Variants in LUZP2 observed in about 807,000 individuals in gnomAD.
LUZP2 encodes the protein leucine zipper protein 2.
In LUZP2, 52 loss-of-function variants were observed where a neutral mutation model predicts 51.6. The ratio of observed to expected loss-of-function variants is 1.01; its 90% CI spans 0.81 to 1.27. The LOEUF (loss-of-function observed/expected upper bound fraction) is 1.27, where lower values mean the gene tolerates loss of function less well. LUZP2 is among the 50% of genes most tolerant of loss of function. The pLI, the probability that LUZP2 is intolerant of heterozygous loss-of-function variation, is 0.00. For missense variants in LUZP2, 436 were observed against 395.4 expected (o/e 1.10, Z -0.87); for synonymous variants, 154 against 137.3 (o/e 1.12, Z -0.85).
Position 24,787,650 on chromosome 11 carries a change from A to G in LUZP2, c.396+24342A>G, listed in dbSNP as rs992969364. On this transcript the variant is annotated intron_variant, in intron 5 of 11. Coordinates refer to ENST00000336930, the MANE Select transcript of LUZP2 (RefSeq NM_001009909.4). Reference sequence around the variant, plus strand: ...TTTCATGATTCTACCTCCAACACTCACCTCTATTTATTTTCTATGCAAGAT... The same window carrying G: ...TTTCATGATTCTACCTCCAACACTCGCCTCTATTTATTTTCTATGCAAGAT... Among the ~76,000 whole-genome samples, 5 of 151,840 alleles carry G rather than the reference A, an allele frequency of 3.3e-5. No individual in the cohort carries two copies. In the East Asian group the frequency reaches 9.7e-4, roughly 29 times the overall value.
rs1225268134 is a variant in LUZP2 at position 25,082,475 on chromosome 11, C to T, written c.*3817C>T. Reference sequence around the variant, plus strand: ...CCAGACCTAGACAATGAAGAAAACACATACTGTTTACTTAGGAGACATTTT... The same window carrying T: ...CCAGACCTAGACAATGAAGAAAACATATACTGTTTACTTAGGAGACATTTT... On this transcript the variant is annotated 3_prime_UTR_variant, in exon 12 of 12. Coordinates refer to ENST00000336930, the MANE Select transcript of LUZP2 (RefSeq NM_001009909.4). 1 of 152,472 alleles carries T rather than the reference C, an allele frequency of 6.6e-6. No individual in the cohort carries two copies. The highest frequency in any genetic ancestry group is 6.6e-5 in the Admixed American group (1 of 15,262). The allele number at this position is 152,472 out of a possible 1,614,324, so 9.4% of individuals were successfully genotyped here.
chr11:25,051,170 A>C lies in LUZP2; in HGVS notation c.858+1040A>C, dbSNP rs564480672. On this transcript the variant is annotated intron_variant, in intron 10 of 11. Transcript: ENST00000336930. ...TTCTCTTTTTTCTCTTCTGGCTGCC[A>C]AAGTGGATTTAGAAAAATGAATTAC... is the stretch of plus-strand genomic sequence containing the variant. Among the ~76,000 whole-genome samples, 7 of 152,316 alleles carry C rather than the reference A, an allele frequency of 4.6e-5. 1 individual carries two copies. In the South Asian group the frequency reaches 1.4e-3, roughly 32 times the overall value.
chr11:24,847,492 A>C (rs950709670), intron 5 of LUZP2, among the ~76,000 whole-genome samples: 1 of 152,168 alleles, frequency 6.6e-6, no homozygotes, highest in Non-Finnish European at 1.5e-5. Flanking sequence ...TAGGGCAGAA[A>C]AACACAGAAA....
At chr11:24,919,848 C>A (rs912170991) in intron 7 of LUZP2, among the ~76,000 whole-genome samples, 2 of 150,926 alleles carry the variant, frequency 1.3e-5, no homozygotes, top group Non-Finnish European at 3.0e-5. Context: ...GTTTACTCTC[C>A]CATCAGTACA....
At chr11:24,753,156 A>T (rs995036010) in intron 4 of LUZP2, among the ~76,000 whole-genome samples, 1 of 152,192 alleles carries the variant, frequency 6.6e-6, no homozygotes, top group African/African-American at 2.4e-5. Flanking sequence ...TATGTCATAG[A>T]ACATGAACAT....
intron 7 of LUZP2, among the ~76,000 whole-genome samples, chr11:24,925,708 T>G (rs1854205795): frequency 6.6e-6 from 1 of 151,986 alleles, no homozygotes; most frequent in South Asian, 2.1e-4. Context: ...GTATCGAAAT[T>G]TATTTTTAAA....
At chr11:24,959,924 C>A (rs1456999368) in intron 7 of LUZP2, among the ~76,000 whole-genome samples, 1 of 152,140 alleles carries the variant, frequency 6.6e-6, no homozygotes, top group African/African-American at 2.4e-5. Context: ...AGATACGTCC[C>A]ATCAATACCT....
intron 5 of LUZP2, among the ~76,000 whole-genome samples, chr11:24,801,527 T>C (rs2134116642): frequency 6.6e-6 from 1 of 152,096 alleles, no homozygotes; most frequent in East Asian, 1.9e-4. Context: ...ATTTTATAAA[T>C]GAGGCTTAGT....
intron 1 of LUZP2, among the ~76,000 whole-genome samples, chr11:24,543,182 GATACT>G (rs1851434036): frequency 6.7e-6 from 1 of 149,776 alleles, no homozygotes; most frequent in African/African-American, 2.5e-5. Flanking sequence ...TAAGAAAACT[GATACT>G]TTAGGAACCA....
At chr11:24,787,842 T>C (rs530106787) in intron 5 of LUZP2, among the ~76,000 whole-genome samples, 1 of 152,316 alleles carries the variant, frequency 6.6e-6, no homozygotes, top group African/African-American at 2.4e-5. Context: ...TGACCTATGC[T>C]AGTCTTGAAT....
chr11:24,971,734 G>C lies in LUZP2; in HGVS notation c.523-4857G>C, dbSNP rs542522957. ...AACTGGAATCAAAGTATTACAACAT[G>C]GGATGGTATCTGCAAGTCCTTTTAT... On this transcript the variant is annotated intron_variant, in intron 7 of 11. Transcript: ENST00000336930. 1.3e-4 allele frequency among the ~76,000 whole-genome samples: 20 copies of C among 152,154 alleles called. No homozygotes were observed. In the South Asian group the frequency reaches 3.9e-3, roughly 30 times the overall value.
At chr11:24,816,214 G>T (rs1011925481) in intron 5 of LUZP2, among the ~76,000 whole-genome samples, 1 of 151,976 alleles carries the variant, frequency 6.6e-6, no homozygotes, top group Non-Finnish European at 1.5e-5. Flanking sequence ...ATCTGAACAA[G>T]TCATTTTCCT....
chr11:25,033,623 T>C (rs1312500067), intron 9 of LUZP2, among the ~76,000 whole-genome samples: 1 of 152,138 alleles, frequency 6.6e-6, no homozygotes, highest in Admixed American at 6.6e-5. Flanking sequence ...TCCGTATGTA[T>C]GTCCATGTGT....
intron 5 of LUZP2, among the ~76,000 whole-genome samples, chr11:24,862,881 C>T (rs1424162620): frequency 6.6e-6 from 1 of 151,994 alleles, no homozygotes; most frequent in East Asian, 1.9e-4. Flanking sequence ...ACCAAAATAG[C>T]AATGGGCAAT....
chr11:25,069,145 G>C (rs1859081751), intron 10 of LUZP2, among the ~76,000 whole-genome samples: 1 of 151,850 alleles, frequency 6.6e-6, no homozygotes, highest in Non-Finnish European at 1.5e-5. Flanking sequence ...TGTTACCTGA[G>C]ACTGCAACAT....
Position 24,574,211 on chromosome 11 carries a change from CCTTTCTTT to C in LUZP2, c.62+76950_62+76957del, listed in dbSNP as rs1169525307. Among the ~76,000 whole-genome samples the C allele has an allele frequency of 1.8e-3, 11 of 6,086 alleles. 2 individuals are homozygous for C. The highest frequency in any genetic ancestry group is 8.8e-3 in the Non-Finnish European group (4 of 452). The allele number at this position is 6,086 out of a possible 152,430, so 4.0% of individuals were successfully genotyped here. ...CTTTCTTTCTTTCTCTTTCTTCCTT[CCTTTCTTT>C]CTTTCTTTCTTTCTTTCTTTCTTTC... On this transcript the variant is annotated intron_variant, in intron 1 of 11. Transcript: ENST00000336930.
chr11:24,824,332 C>T (rs1260872223), intron 5 of LUZP2, among the ~76,000 whole-genome samples: 1 of 100,740 alleles, frequency 9.9e-6, no homozygotes, highest in Non-Finnish European at 2.0e-5. Flanking sequence ...CACCATTGCA[C>T]TCCAGCCTGA....
chr11:24,937,381 C>A (rs1197613513), intron 7 of LUZP2, among the ~76,000 whole-genome samples: 1 of 152,066 alleles, frequency 6.6e-6, no homozygotes, highest in Non-Finnish European at 1.5e-5. Context: ...TGGATATCAG[C>A]TCCTGTCAGT....
Position 24,711,245 on chromosome 11 carries a change from C to G in LUZP2, c.63-17924C>G, listed in dbSNP as rs186797539. Among the ~76,000 whole-genome samples the G allele has an allele frequency of 5.5e-3, 834 of 151,312 alleles. 6 individuals carry two copies. The highest frequency in any genetic ancestry group is 0.02 in the Middle Eastern group (6 of 294). On this transcript the variant is annotated intron_variant, in intron 1 of 11. Coordinates refer to ENST00000336930, the MANE Select transcript of LUZP2 (RefSeq NM_001009909.4). ...CGGGCGGATCACGAGGTCAGGAGAT[C>G]GAGACCATCCTGGCTAACACGGTGA...
Sources: allele counts gnomAD v4.1 joint callset (sites outside exome capture counted in the v4.1 genomes callset), GRCh38; gene constraint gnomAD v4.1.1; transcripts MANE v1.5; gene names NCBI Gene and HGNC (gene_info 2026-07-23, HGNC 2026-07-21).